SLC25A13: variants seen among roughly 807,000 people sequenced by gnomAD.
The protein encoded by SLC25A13 is solute carrier family 25 member 13.
In SLC25A13, 70 loss-of-function variants were observed where a neutral mutation model predicts 85.5. That is an observed-to-expected ratio of 0.82 (90% CI 0.68 to 1.00). The LOEUF is 1.00. SLC25A13 is among the 50% of genes least tolerant of loss of function. SLC25A13 has a pLI of 0.00. For missense variants in SLC25A13, 765 were observed against 819.8 expected, an observed-to-expected ratio of 0.93 and a Z score of 0.82; for synonymous variants, 259 against 288.7, an observed-to-expected ratio of 0.90 and a Z score of 1.04.
intron 13 of SLC25A13, among the ~76,000 whole-genome samples, chr7:96,155,410 C>T (rs980908401): frequency 1.3e-5 from 2 of 152,070 alleles, no homozygotes; most frequent in African/African-American, 2.4e-5. Context: ...TGTTTTTCGT[C>T]CTCCTTCTTT....
At chr7:96,303,411 G>C (rs1167455802) in intron 1 of SLC25A13, among the ~76,000 whole-genome samples, 3 of 152,054 alleles carry the variant, frequency 2.0e-5, no homozygotes, top group Non-Finnish European at 4.4e-5. Context: ...GAGAGAAGGA[G>C]AAACAGTCCT....
chr7:96,267,668 G>A (rs1798084311), intron 3 of SLC25A13, among the ~76,000 whole-genome samples: 1 of 151,986 alleles, frequency 6.6e-6, no homozygotes, highest in Non-Finnish European at 1.5e-5. Context: ...ACAAAAATTA[G>A]CCGGGTGTGG....
At position 96,296,893 on chromosome 7, in the gene SLC25A13, C is replaced by G. The variant is rs1319034578; in HGVS notation, c.69+5G>C. 1.9e-6 allele frequency: 3 copies of G among 1,611,928 alleles called. No individual in the cohort carries two copies. The Admixed American group carries it at 5.0e-5, about 27-fold the overall frequency. On this transcript the variant is annotated splice_donor_5th_base_variant and intron_variant, in intron 2 of 17. Coordinates refer to ENST00000265631, the MANE Select transcript of SLC25A13 (RefSeq NM_014251.3). Reference sequence around the variant, plus strand: ...AAGAAACAAAATAGATTCCTTTATACTGACCTTCAAAAATATTGTTCTAAG... The same window carrying G: ...AAGAAACAAAATAGATTCCTTTATAGTGACCTTCAAAAATATTGTTCTAAG...
intron 13 of SLC25A13, among the ~76,000 whole-genome samples, chr7:96,162,799 G>T (rs1017380600): frequency 6.6e-6 from 1 of 152,192 alleles, no homozygotes; most frequent in Non-Finnish European, 1.5e-5. Flanking sequence ...CAAAGGCCAA[G>T]TAGAGAAAAT....
At chr7:96,190,698 C>A (rs539973665) in intron 7 of SLC25A13, among the ~76,000 whole-genome samples, 1 of 151,978 alleles carries the variant, frequency 6.6e-6, no homozygotes, top group African/African-American at 2.4e-5. Context: ...CTGCAACCTT[C>A]GCCTCCCAGG....
chr7:96,270,690 C>A (rs1315136845), intron 3 of SLC25A13, among the ~76,000 whole-genome samples: 1 of 152,094 alleles, frequency 6.6e-6, no homozygotes, highest in Non-Finnish European at 1.5e-5. Context: ...CAGAGCAAGA[C>A]CCTTTGTCTA....
At chr7:96,131,308 GGT>G (rs1218763350) in intron 15 of SLC25A13, among the ~76,000 whole-genome samples, 3 of 152,176 alleles carry the variant, frequency 2.0e-5, no homozygotes, top group Non-Finnish European at 4.4e-5. Flanking sequence ...GGTCTTTTCT[GGT>G]TCTACTACAT....
At chr7:96,266,338 T>C (rs1000285264) in intron 3 of SLC25A13, among the ~76,000 whole-genome samples, 9 of 152,182 alleles carry the variant, frequency 5.9e-5, no homozygotes, top group African/African-American at 2.2e-4. Context: ...CCAGAATGTC[T>C]TTCCTTTCTC....
At chr7:96,251,944 C>T (rs1797443737) in intron 3 of SLC25A13, among the ~76,000 whole-genome samples, 1 of 152,188 alleles carries the variant, frequency 6.6e-6, no homozygotes, top group African/African-American at 2.4e-5. Flanking sequence ...TTATTGGACA[C>T]CCTGGTCAGA....
At chr7:96,185,285 A>T (rs924992755) in intron 9 of SLC25A13, among the ~76,000 whole-genome samples, 3 of 151,606 alleles carry the variant, frequency 2.0e-5, no homozygotes, top group Admixed American at 6.6e-5. Context: ...AATTCTCATT[A>T]AAAAAAATGC....
chr7:96,184,240 T>C, intron 11 of SLC25A13, 37 bp downstream of exon 11: 1 of 1,612,718 alleles, frequency 6.2e-7, no homozygotes, highest in Non-Finnish European at 8.5e-7. Context: ...CTTTGAGTGT[T>C]ATTTCACCTA....
intron 15 of SLC25A13, among the ~76,000 whole-genome samples, chr7:96,125,753 G>GT (rs753445974): frequency 0.032 from 4,377 of 136,714 alleles, 199 homozygotes; most frequent in African/African-American, 0.099. Flanking sequence ...TTCTAGAGGG[G>GT]TTTTTTTTTT....
intron 3 of SLC25A13, among the ~76,000 whole-genome samples, chr7:96,263,670 C>G (rs1797940019): frequency 6.6e-6 from 1 of 152,052 alleles, no homozygotes; most frequent in African/African-American, 2.4e-5. Context: ...CTCGATGACA[C>G]TCTCTCAACT....
chr7:96,121,369 A>G lies in SLC25A13; in HGVS notation c.1850T>C (p.Met617Thr), dbSNP rs779855647. The change falls in exon 18 of 18, where the codon ATG becomes ACG. Residue 617 changes from methionine (M) to threonine (T), a missense_variant. Met to Thr is a moderately conservative substitution (Grantham distance 81). Transcript: ENST00000265631. ...FYIDFGGVKP[M>T]GSEPVPKSRI... ...GGATTTAGGAACTGGCTCTGATCCC[A>G]TGGGTTTTCTAAAAGAAGAGAAAAC... The G allele has an allele frequency of 1.9e-5, 30 of 1,614,082 alleles. No individual in the cohort carries two copies. The highest frequency in any genetic ancestry group is 1.3e-5 in the African/African-American group (1 of 74,930).
At chr7:96,122,936 T>A (rs1584336184) in intron 15 of SLC25A13, among the ~76,000 whole-genome samples, 1 of 152,240 alleles carries the variant, frequency 6.6e-6, no homozygotes, top group Non-Finnish European at 1.5e-5. Flanking sequence ...TTGCTTTTTT[T>A]AAGGCTTAAT....
intron 3 of SLC25A13, among the ~76,000 whole-genome samples, chr7:96,269,427 G>C (rs1031378981): frequency 6.6e-6 from 1 of 152,212 alleles, no homozygotes; most frequent in African/African-American, 2.4e-5. Flanking sequence ...CCCTCACAGA[G>C]ACAGTTGACA....
Position 96,121,179 on chromosome 7 carries a change from G to T in SLC25A13, c.*12C>A. ...CCCACAAAAAGACAGCACTATCCCA[G>T]GGCTGATCTTCCTATGGGCCTCCAC... On this transcript the variant is annotated 3_prime_UTR_variant, in exon 18 of 18. Transcript: ENST00000265631. The T allele has an allele frequency of 6.2e-7, 1 of 1,613,988 alleles. No individual in the cohort carries two copies. Among genetic ancestry groups the T allele is most frequent in the Non-Finnish European group, 8.5e-7 (1 of 1,179,852 alleles).
At chr7:96,173,097 A>G (rs868732516) in intron 11 of SLC25A13, among the ~76,000 whole-genome samples, 3 of 152,182 alleles carry the variant, frequency 2.0e-5, no homozygotes, top group African/African-American at 7.2e-5. Flanking sequence ...TATCGTCACA[A>G]TTGATAAAAT....
At chr7:96,178,764 G>T (rs543434722) in intron 11 of SLC25A13, among the ~76,000 whole-genome samples, 5 of 152,078 alleles carry the variant, frequency 3.3e-5, no homozygotes, top group Non-Finnish European at 7.4e-5. Flanking sequence ...ACTTGCTCAA[G>T]CATTCTTTCC....
Sources: gnomAD v4.1 joint callset for allele counts (sites outside exome capture counted in the v4.1 genomes callset) on GRCh38, gnomAD v4.1.1 for gene constraint, MANE v1.5 for transcripts, NCBI Gene and HGNC (gene_info 2026-07-23, HGNC 2026-07-21) for gene names.